DLC1: variants seen among roughly 807,000 people sequenced by gnomAD.
DLC1 encodes DLC1 Rho GTPase activating protein, also known as rho GTPase-activating protein 7.
A neutral mutation model predicts 140.3 loss-of-function variants in DLC1; 54 were observed. The observed-to-expected ratio is 0.38, with a 90% CI of 0.31 to 0.48. DLC1 has a LOEUF of 0.48. Ranked by LOEUF, DLC1 falls within the 20% of genes least tolerant of loss-of-function variation. DLC1 has a pLI of 0.96. For missense variants in DLC1, 2,536 were observed against 1,907.0 expected, an observed-to-expected ratio of 1.33 and a Z score of -6.14; for synonymous variants, 986 against 728.1, an observed-to-expected ratio of 1.35 and a Z score of -5.70.
At chr8:13,401,667 A>C (rs757548645) in intron 2 of DLC1, 48 bp from the exon 3 acceptor site, 1 of 1,583,042 alleles carries the variant, frequency 6.3e-7, no homozygotes, top group Non-Finnish European at 8.6e-7. Flanking sequence ...CCATTTCTTA[A>C]TAAGAATAAA....
At chr8:13,527,269 G>A (rs771627033) in intron 1 of DLC1, among the ~76,000 whole-genome samples, 1 of 152,138 alleles carries the variant, frequency 6.6e-6, no homozygotes, top group Non-Finnish European at 1.5e-5. Flanking sequence ...TGTATTCCTA[G>A]TATGCTAAGA....
chr8:13,205,766 A>T (rs1009161070), intron 5 of DLC1, among the ~76,000 whole-genome samples: 1 of 152,216 alleles, frequency 6.6e-6, no homozygotes, highest in African/African-American at 2.4e-5. Flanking sequence ...ATGGATGAAC[A>T]TAAGTAGACA....
intron 1 of DLC1, among the ~76,000 whole-genome samples, chr8:13,507,303 G>T (rs1455541948): frequency 6.6e-6 from 1 of 152,164 alleles, no homozygotes; most frequent in African/African-American, 2.4e-5. Context: ...GCCCAGGGAA[G>T]ATATTATGTT....
intron 2 of DLC1, among the ~76,000 whole-genome samples, chr8:13,410,391 C>A (rs889701626): frequency 9.2e-5 from 14 of 152,028 alleles, no homozygotes; most frequent in Admixed American, 9.2e-4. Context: ...GCAACAGAAA[C>A]AACAACAACA....
At chr8:13,138,494 T>G (rs189659924) in intron 5 of DLC1, among the ~76,000 whole-genome samples, 123 of 152,330 alleles carry the variant, frequency 8.1e-4, no homozygotes, top group African/African-American at 2.9e-3. Flanking sequence ...TTGATTTCTC[T>G]CCCTGAGGAA....
intron 5 of DLC1, among the ~76,000 whole-genome samples, chr8:13,120,356 A>AAAAAAAAATATATATAT: frequency 2.5e-4 from 15 of 61,126 alleles, no homozygotes; most frequent in South Asian, 7.5e-4. Flanking sequence ...AAAAAAAAAA[A>AAAAAAAAATATATATAT]ATATATATAT....
intron 4 of DLC1, chr8:13,340,463 A>T (rs1000010820): frequency 1.3e-5 from 2 of 152,240 alleles, no homozygotes; most frequent in African/African-American, 4.8e-5. Context: ...AGCCTCCCAA[A>T]GTGCTGGGAT....
At position 13,218,600 on chromosome 8, in the gene DLC1, A is replaced by G. The variant is rs1442250419; in HGVS notation, c.1348+86669T>C. Among the ~76,000 whole-genome samples, 5 of 151,970 alleles carry G rather than the reference A, an allele frequency of 3.3e-5. No homozygotes were observed. The East Asian group carries it at 7.8e-4, about 24-fold the overall frequency. ...ATGCTTCACACACACTAGGACAGCT[A>G]TCATAATTTGAGAAAAGGAAAATCA... is the stretch of plus-strand genomic sequence containing the variant. On this transcript the variant is annotated intron_variant, in intron 5 of 17. Coordinates refer to ENST00000276297, the MANE Select transcript of DLC1 (RefSeq NM_182643.3).
Position 13,159,872 on chromosome 8 carries a change from A to G in DLC1, c.1349-44215T>C, listed in dbSNP as rs75392068. Among the ~76,000 whole-genome samples, 5 of 151,126 alleles carry G rather than the reference A, an allele frequency of 3.3e-5. No individual in the cohort carries two copies. In the East Asian group the frequency reaches 7.8e-4, roughly 24 times the overall value. On this transcript the variant is annotated intron_variant, in intron 5 of 17. Coordinates refer to ENST00000276297, the MANE Select transcript of DLC1 (RefSeq NM_182643.3). ...AACCTGGTTTGAAAAAAAAAAAAAA[A>G]GGCGAGGCCAGGTGTGGAGGCTCAA...
At chr8:13,112,399 G>C (rs1311120710) in intron 6 of DLC1, among the ~76,000 whole-genome samples, 1 of 152,118 alleles carries the variant, frequency 6.6e-6, no homozygotes, top group African/African-American at 2.4e-5. Context: ...TGAGTATAAA[G>C]TTATAGTCTA....
chr8:13,256,771 A>C (rs1466717899), intron 5 of DLC1, among the ~76,000 whole-genome samples: 1 of 151,830 alleles, frequency 6.6e-6, no homozygotes, highest in African/African-American at 2.4e-5. Context: ...TACCTAAGGC[A>C]TGCAGATCTT....
At chr8:13,384,240 C>A (rs577108260) in intron 4 of DLC1, among the ~76,000 whole-genome samples, 9 of 152,160 alleles carry the variant, frequency 5.9e-5, no homozygotes, top group Admixed American at 3.9e-4. Flanking sequence ...CTCTGCCCCC[C>A]ATCACAAAGG....
chr8:13,359,088 G>A (rs1162936619), intron 4 of DLC1, among the ~76,000 whole-genome samples: 5 of 152,066 alleles, frequency 3.3e-5, no homozygotes, highest in African/African-American at 1.2e-4. Flanking sequence ...ACAGGTGCCC[G>A]CCACCACGCC....
At position 13,394,799 on chromosome 8, in the gene DLC1, G is replaced by C. The variant is rs765808655; in HGVS notation, c.1174-1106C>G. Among the ~76,000 whole-genome samples the C allele has an allele frequency of 3.9e-4, 59 of 152,174 alleles. 1 individual carries two copies. In the Middle Eastern group the frequency reaches 0.024, roughly 61 times the overall value. On this transcript the variant is annotated intron_variant, in intron 3 of 17. Coordinates refer to ENST00000276297, the MANE Select transcript of DLC1 (RefSeq NM_182643.3). ...TAATACAGTAAGCTGGTGTCTACAG[G>C]AGGGACTAGGCCCTGTGCTCTTTCT...
Position 13,110,724 on chromosome 8 carries a change from C to T in DLC1, c.1502+18G>A. ...TTAAAAAATAAAAAAGGAAAACACT[C>T]AAAACGTGTCCATTTACCTGCATAG... On this transcript the variant is annotated intron_variant, in intron 7 of 17. Coordinates refer to ENST00000276297, the MANE Select transcript of DLC1 (RefSeq NM_182643.3). The T allele has an allele frequency of 6.2e-7, 1 of 1,609,538 alleles. No homozygotes were observed. Among genetic ancestry groups the T allele is most frequent in the South Asian group, 1.1e-5 (1 of 90,452 alleles).
chr8:13,315,218 C>T (rs1315646412), intron 4 of DLC1, among the ~76,000 whole-genome samples: 4 of 152,126 alleles, frequency 2.6e-5, no homozygotes, highest in Non-Finnish European at 5.9e-5. Flanking sequence ...CGTTCGAGAC[C>T]AGCATGAACA....
intron 5 of DLC1, among the ~76,000 whole-genome samples, chr8:13,236,595 C>A (rs1829294018): frequency 1.3e-5 from 2 of 152,028 alleles, no homozygotes; most frequent in African/African-American, 4.8e-5. Flanking sequence ...TTTCTGGGTC[C>A]TTTAAAGAAC....
intron 2 of DLC1, among the ~76,000 whole-genome samples, chr8:13,402,109 GTT>G (rs34663089): frequency 0.22 from 32,996 of 151,988 alleles, 4,310 homozygotes; most frequent in Admixed American, 0.27. Context: ...CAGGGGAACA[GTT>G]TTCCTAGCAC....
Position 13,099,511 on chromosome 8 carries a change from G to C in DLC1, c.2826C>G (p.Pro942=), listed in dbSNP as rs974038108. ...DSDSALDSVS[P]CPSSPKQIHL... ...GTATCTGTTTTGGAGAGGACGGGCAGGGAGAGACCGAGTCCAGGGCTGAGT... is the reference window on the plus strand; with the variant it reads ...GTATCTGTTTTGGAGAGGACGGGCACGGAGAGACCGAGTCCAGGGCTGAGT... Residue 942 remains proline, a synonymous_variant, in exon 9 of 18, where the codon CCC becomes CCG. Transcript: ENST00000276297. 1 of 1,614,200 alleles carries C rather than the reference G, an allele frequency of 6.2e-7. No individual in the cohort carries two copies. The highest frequency in any genetic ancestry group is 8.5e-7 in the Non-Finnish European group (1 of 1,180,040).
Sources: allele counts gnomAD v4.1 joint callset (sites outside exome capture counted in the v4.1 genomes callset), GRCh38; gene constraint gnomAD v4.1.1; transcripts MANE v1.5; gene names NCBI Gene and HGNC (gene_info 2026-07-23, HGNC 2026-07-21).